The following KCND2 variants were observed in gnomAD, a reference collection of about 807,000 sequenced individuals.
KCND2 encodes potassium voltage-gated channel subfamily D member 2.
In KCND2, 16 loss-of-function variants were observed where a neutral mutation model predicts 54.4. That is an observed-to-expected ratio of 0.29 (90% CI 0.20 to 0.45). KCND2 has a LOEUF of 0.45. KCND2 is among the 20% of genes least tolerant of loss of function. KCND2 has a pLI of 1.00. For missense variants in KCND2, 486 were observed against 824.2 expected, an observed-to-expected ratio of 0.59 and a Z score of 5.02; for synonymous variants, 317 against 310.7, an observed-to-expected ratio of 1.02 and a Z score of -0.21.
chr7:120,581,519 A>T (rs1263024532), intron 1 of KCND2, among the ~76,000 whole-genome samples: 2 of 152,238 alleles, frequency 1.3e-5, no homozygotes, highest in Admixed American at 6.5e-5. Flanking sequence ...TAAAAGAGGG[A>T]TAGAATAAAA....
rs1244820768 is a variant in KCND2 at position 120,578,265 on chromosome 7, G to A, written c.1116-154638G>A. 3.3e-5 allele frequency among the ~76,000 whole-genome samples: 5 copies of A among 151,986 alleles called. No individual in the cohort carries two copies. The South Asian group carries it at 6.2e-4, about 19-fold the overall frequency. On this transcript the variant is annotated intron_variant, in intron 1 of 5. Coordinates refer to ENST00000331113, the MANE Select transcript of KCND2 (RefSeq NM_012281.3). ...ATCAAGCCACTGTGCTCCATCCTGG[G>A]TAATGTAGCAAGACCCTGTTTCAAG...
chr7:120,725,296 T>G (rs1792719531), intron 1 of KCND2, among the ~76,000 whole-genome samples: 1 of 152,184 alleles, frequency 6.6e-6, no homozygotes, highest in South Asian at 2.1e-4. Flanking sequence ...GGGTCCTAAT[T>G]AAGGGTTTCT....
intron 4 of KCND2, among the ~76,000 whole-genome samples, chr7:120,744,800 C>T (rs1258447919): frequency 6.6e-6 from 1 of 152,022 alleles, no homozygotes; most frequent in Non-Finnish European, 1.5e-5. Context: ...GCAAAGCCTT[C>T]CATTATAAGA....
At chr7:120,424,994 A>G (rs1801680456) in intron 1 of KCND2, among the ~76,000 whole-genome samples, 2 of 152,258 alleles carry the variant, frequency 1.3e-5, no homozygotes, top group South Asian at 4.1e-4. Flanking sequence ...GGAAAAGTTT[A>G]CTAAAAAGGG....
At chr7:120,348,114 G>A (rs979907339) in intron 1 of KCND2, among the ~76,000 whole-genome samples, 1 of 152,094 alleles carries the variant, frequency 6.6e-6, no homozygotes, top group South Asian at 2.1e-4. Flanking sequence ...TATGAATTAT[G>A]GTGAGACACA....
At chr7:120,447,314 A>G (rs911733072) in intron 1 of KCND2, among the ~76,000 whole-genome samples, 1 of 151,934 alleles carries the variant, frequency 6.6e-6, no homozygotes, top group Non-Finnish European at 1.5e-5. Flanking sequence ...CAATGGAATT[A>G]GAAGAAATGC....
intron 1 of KCND2, among the ~76,000 whole-genome samples, chr7:120,663,958 A>T (rs762449763): frequency 6.7e-6 from 1 of 150,332 alleles, no homozygotes; most frequent in Non-Finnish European, 1.5e-5. Context: ...CATAGGAGAA[A>T]AGAGGTCTAA....
At chr7:120,660,396 A>T (rs1791851486) in intron 1 of KCND2, among the ~76,000 whole-genome samples, 1 of 152,256 alleles carries the variant, frequency 6.6e-6, no homozygotes, top group Non-Finnish European at 1.5e-5. Context: ...ACAAAAGTGA[A>T]TGTGGAAAGG....
At chr7:120,308,290 A>G (rs967955308) in intron 1 of KCND2, among the ~76,000 whole-genome samples, 3 of 152,080 alleles carry the variant, frequency 2.0e-5, no homozygotes, top group Non-Finnish European at 4.4e-5. Context: ...TATGGCTCCT[A>G]TAAAGGTCAT....
At chr7:120,387,241 A>G (rs912419537) in intron 1 of KCND2, among the ~76,000 whole-genome samples, 3 of 152,078 alleles carry the variant, frequency 2.0e-5, no homozygotes, top group Non-Finnish European at 4.4e-5. Flanking sequence ...CATATGATAT[A>G]TATTTAAAAT....
chr7:120,724,793 T>G (rs1792712632), intron 1 of KCND2, among the ~76,000 whole-genome samples: 1 of 152,190 alleles, frequency 6.6e-6, no homozygotes, highest in Non-Finnish European at 1.5e-5. Context: ...TTGTTTGTTT[T>G]TAATGTGTAC....
At chr7:120,365,949 C>T (rs1171844636) in intron 1 of KCND2, among the ~76,000 whole-genome samples, 2 of 152,052 alleles carry the variant, frequency 1.3e-5, no homozygotes, top group Non-Finnish European at 2.9e-5. Flanking sequence ...AATATTATTA[C>T]AAACTTTAGT....
chr7:120,729,212 T>A (rs1792775163), intron 1 of KCND2, among the ~76,000 whole-genome samples: 1 of 152,148 alleles, frequency 6.6e-6, no homozygotes, highest in Non-Finnish European at 1.5e-5. Flanking sequence ...CAGATAAAAA[T>A]TACCCATTTC....
chr7:120,394,821 C>T (rs1406861381), intron 1 of KCND2, among the ~76,000 whole-genome samples: 1 of 151,958 alleles, frequency 6.6e-6, no homozygotes, highest in Non-Finnish European at 1.5e-5. Context: ...TAGTGACTAT[C>T]AGAACTTCCT....
intron 1 of KCND2, among the ~76,000 whole-genome samples, chr7:120,502,106 T>C (rs1439683600): frequency 6.6e-6 from 1 of 151,998 alleles, no homozygotes; most frequent in African/African-American, 2.4e-5. Flanking sequence ...TAGCCAACGG[T>C]TGGAAATGTG....
intron 1 of KCND2, among the ~76,000 whole-genome samples, chr7:120,692,930 T>C (rs1271625170): frequency 6.6e-6 from 1 of 152,336 alleles, no homozygotes; most frequent in East Asian, 1.9e-4. Context: ...AACTCCAAGG[T>C]ACATTTTCCC....
At chr7:120,716,208 C>G (rs192086832) in intron 1 of KCND2, among the ~76,000 whole-genome samples, 28 of 151,860 alleles carry the variant, frequency 1.8e-4, no homozygotes, top group African/African-American at 6.5e-4. Flanking sequence ...TCCTTCTAAA[C>G]TGTAAAATAA....
intron 1 of KCND2, among the ~76,000 whole-genome samples, chr7:120,702,990 TTATC>T (rs1049173701): frequency 9.2e-5 from 14 of 152,186 alleles, no homozygotes; most frequent in African/African-American, 3.4e-4. Context: ...TTGTGATTAT[TTATC>T]ATCTTTGCTC....
intron 1 of KCND2, among the ~76,000 whole-genome samples, chr7:120,536,389 A>G (rs1004522982): frequency 6.6e-6 from 1 of 152,080 alleles, no homozygotes; most frequent in African/African-American, 2.4e-5. Flanking sequence ...GGCTGTGGCA[A>G]TTTCTTAGAA....
Sources: gnomAD v4.1 joint callset for allele counts (sites outside exome capture counted in the v4.1 genomes callset) on GRCh38, gnomAD v4.1.1 for gene constraint, MANE v1.5 for transcripts, NCBI Gene and HGNC (gene_info 2026-07-23, HGNC 2026-07-21) for gene names.